Variants in CPA6 observed in about 807,000 individuals in gnomAD.
CPA6 encodes the protein carboxypeptidase B.
Under a neutral mutation model 63.3 loss-of-function variants are expected in CPA6, and 58 were observed. The ratio of observed to expected loss-of-function variants is 0.92; its 90% CI spans 0.74 to 1.14. The LOEUF (loss-of-function observed/expected upper bound fraction) is 1.14. CPA6 is among the 50% of genes most tolerant of loss of function. CPA6 has a pLI of 0.00. For missense variants in CPA6, 565 were observed against 526.6 expected (o/e 1.07, Z -0.71); for synonymous variants, 185 against 179.0 (o/e 1.03, Z -0.27).
At chr8:67,573,986 A>G (rs1813557679) in intron 2 of CPA6, among the ~76,000 whole-genome samples, 1 of 151,960 alleles carries the variant, frequency 6.6e-6, no homozygotes, top group Non-Finnish European at 1.5e-5. Context: ...ATGTTCTGGA[A>G]GAATTAATAC....
intron 6 of CPA6, among the ~76,000 whole-genome samples, chr8:67,505,358 T>C (rs1016979212): frequency 4.6e-5 from 7 of 152,268 alleles, no homozygotes; most frequent in African/African-American, 1.7e-4. Flanking sequence ...AACAATATAA[T>C]AGACAAAGTA....
At chr8:67,602,270 T>C (rs911221837) in intron 2 of CPA6, among the ~76,000 whole-genome samples, 2 of 152,188 alleles carry the variant, frequency 1.3e-5, no homozygotes, top group Non-Finnish European at 2.9e-5. Context: ...TGTTATCTTC[T>C]TGGATTTGTG....
intron 2 of CPA6, among the ~76,000 whole-genome samples, chr8:67,606,540 C>T (rs1006268163): frequency 2.6e-5 from 4 of 152,098 alleles, no homozygotes; most frequent in Admixed American, 2.6e-4. Flanking sequence ...CTGCAGCCTC[C>T]CTTTTACCAT....
intron 3 of CPA6, 96 bp from the exon 4 acceptor site, chr8:67,511,751 A>G (rs1213373410): frequency 1.4e-6 from 1 of 718,306 alleles, no homozygotes; most frequent in South Asian, 1.6e-5. Context: ...ATGTAAAGAA[A>G]GACTGTGGTG....
chr8:67,626,269 G>A (rs1165703590), intron 1 of CPA6, among the ~76,000 whole-genome samples: 2 of 152,164 alleles, frequency 1.3e-5, no homozygotes, highest in Non-Finnish European at 2.9e-5. Flanking sequence ...AATATGGAGG[G>A]CATCAGATCC....
At chr8:67,577,184 C>T (rs775763117) in intron 2 of CPA6, among the ~76,000 whole-genome samples, 7 of 152,100 alleles carry the variant, frequency 4.6e-5, no homozygotes, top group South Asian at 2.1e-4. Flanking sequence ...CCCATTTAAC[C>T]CAAACTAATT....
intron 1 of CPA6, among the ~76,000 whole-genome samples, chr8:67,679,102 A>C (rs1194880248): frequency 6.6e-6 from 1 of 152,190 alleles, no homozygotes; most frequent in Admixed American, 6.5e-5. Flanking sequence ...TGGTACTGGT[A>C]ATGTTCTGTG....
chr8:67,600,678 A>G (rs557780230), intron 2 of CPA6, among the ~76,000 whole-genome samples: 1 of 152,338 alleles, frequency 6.6e-6, no homozygotes, highest in East Asian at 1.9e-4. Context: ...CAAGTCAAAT[A>G]GTATCAAATG....
intron 2 of CPA6, among the ~76,000 whole-genome samples, chr8:67,611,468 C>T (rs542443100): frequency 5.9e-5 from 9 of 152,274 alleles, no homozygotes; most frequent in South Asian, 2.1e-4. Context: ...TTGTTAATTA[C>T]GCAGAACATT....
At chr8:67,567,934 A>G (rs566780426) in intron 2 of CPA6, among the ~76,000 whole-genome samples, 3 of 151,856 alleles carry the variant, frequency 2.0e-5, no homozygotes, top group Non-Finnish European at 2.9e-5. Flanking sequence ...GGGGTCAGGC[A>G]GAAACAAAGC....
chr8:67,659,080 C>A (rs556335837), intron 1 of CPA6, among the ~76,000 whole-genome samples: 7 of 152,204 alleles, frequency 4.6e-5, no homozygotes, highest in Non-Finnish European at 1.0e-4. Context: ...AAACTCTTTT[C>A]AAATTCTTAG....
chr8:67,427,501 G>A (rs1447822785), intron 10 of CPA6, among the ~76,000 whole-genome samples: 1 of 152,186 alleles, frequency 6.6e-6, no homozygotes, highest in East Asian at 1.9e-4. Flanking sequence ...CCTACGTGGA[G>A]TGAAAGATGG....
intron 2 of CPA6, chr8:67,569,395 G>A: frequency 5.4e-6 from 1 of 186,470 alleles, no homozygotes; most frequent in East Asian, 1.6e-4. Flanking sequence ...CACCATCTCG[G>A]TTCCATGTTC....
At chr8:67,541,128 A>C (rs1189096778) in intron 2 of CPA6, among the ~76,000 whole-genome samples, 1 of 151,902 alleles carries the variant, frequency 6.6e-6, no homozygotes, top group Non-Finnish European at 1.5e-5. Context: ...TGTCTGCCCA[A>C]ATGGCCACCC....
intron 8 of CPA6, among the ~76,000 whole-genome samples, chr8:67,472,047 T>C (rs1006230854): frequency 2.0e-5 from 3 of 152,076 alleles, no homozygotes; most frequent in Non-Finnish European, 2.9e-5. Context: ...ATCAGTGAAA[T>C]CAGAAATGCA....
intron 1 of CPA6, among the ~76,000 whole-genome samples, chr8:67,693,121 A>G (rs1006320867): frequency 6.6e-6 from 1 of 152,242 alleles, no homozygotes; most frequent in African/African-American, 2.4e-5. Context: ...ACTCATTCCA[A>G]ATAAAATAGC....
chr8:67,698,740 C>T (rs1028760581), intron 1 of CPA6, among the ~76,000 whole-genome samples: 1 of 152,118 alleles, frequency 6.6e-6, no homozygotes, highest in African/African-American at 2.4e-5. Context: ...CCCTTTTTGT[C>T]ACATAGGGCC....
intron 2 of CPA6, among the ~76,000 whole-genome samples, chr8:67,602,343 G>C (rs758229672): frequency 6.6e-5 from 10 of 152,148 alleles, no homozygotes; most frequent in Non-Finnish European, 1.3e-4. Flanking sequence ...TGGGTGACTG[G>C]AGAAGAGGAA....
At chr8:67,528,046 T>C (rs6472316) in intron 2 of CPA6, among the ~76,000 whole-genome samples, 20,374 of 152,156 alleles carry the variant, frequency 0.13, 2,937 homozygotes, top group African/African-American at 0.36. Context: ...CCCAACATGC[T>C]TTTATTCACT....
Sources: gnomAD v4.1 joint callset for allele counts (sites outside exome capture counted in the v4.1 genomes callset) on GRCh38, gnomAD v4.1.1 for gene constraint, MANE v1.5 for transcripts, NCBI Gene and HGNC (gene_info 2026-07-23, HGNC 2026-07-21) for gene names.